PTPRT: variants seen among roughly 807,000 people sequenced by gnomAD.
PTPRT encodes the protein receptor-type tyrosine-protein phosphatase T.
PTPRT carries 56 observed loss-of-function variants against 176.8 expected under a neutral mutation model. The ratio of observed to expected loss-of-function variants is 0.32; its 90% confidence interval spans 0.26 to 0.40. The LOEUF (loss-of-function observed/expected upper bound fraction) is 0.40. Ranked by LOEUF, PTPRT falls within the 10% of genes least tolerant of loss-of-function variation. The probability of loss-of-function intolerance (pLI) is 1.00; values close to 1 mark genes in which losing one functional copy is unlikely to be tolerated. For synonymous variants in PTPRT, 783 were observed against 739.0 expected (o/e 1.06, Z -0.96); for missense variants, 1,540 against 1,908.2 (o/e 0.81, Z 3.60).
chr20:42,407,977 T>G (rs530434988), intron 9 of PTPRT, among the ~76,000 whole-genome samples: 1 of 152,278 alleles, frequency 6.6e-6, no homozygotes, highest in East Asian at 1.9e-4. Context: ...AAACAACTAA[T>G]AAATTTTATT....
intron 6 of PTPRT, among the ~76,000 whole-genome samples, chr20:42,691,620 C>G (rs2075795135): frequency 6.6e-6 from 1 of 152,196 alleles, no homozygotes; most frequent in Admixed American, 6.5e-5. Context: ...AAACGAGCTT[C>G]TTCCAAATCC....
At chr20:42,767,545 A>G (rs978957412) in intron 5 of PTPRT, among the ~76,000 whole-genome samples, 1 of 151,808 alleles carries the variant, frequency 6.6e-6, no homozygotes, top group Admixed American at 6.6e-5. Flanking sequence ...TTCCTTCCAT[A>G]TAGGAAGGAC....
chr20:42,169,615 T>A (rs1989986664), intron 16 of PTPRT, among the ~76,000 whole-genome samples: 3 of 152,110 alleles, frequency 2.0e-5, no homozygotes. Context: ...GCAACAGGTC[T>A]GGAGAGACTT....
chr20:42,912,280 A>C (rs915249327), intron 1 of PTPRT, among the ~76,000 whole-genome samples: 2 of 152,260 alleles, frequency 1.3e-5, no homozygotes, highest in Non-Finnish European at 1.5e-5. Flanking sequence ...GAGGCCCATT[A>C]GTTTAATTTT....
chr20:42,534,938 A>T (rs1001980055), intron 7 of PTPRT, among the ~76,000 whole-genome samples: 3 of 152,160 alleles, frequency 2.0e-5, no homozygotes, highest in African/African-American at 7.2e-5. Flanking sequence ...GTGCTGCGCT[A>T]AATGTTTAAT....
chr20:42,291,684 A>G (rs1450996739), intron 12 of PTPRT, among the ~76,000 whole-genome samples: 3 of 152,116 alleles, frequency 2.0e-5, no homozygotes, highest in African/African-American at 7.2e-5. Flanking sequence ...AGACACAGAC[A>G]TGCAAAGGCC....
At position 43,050,749 on chromosome 20, in the gene PTPRT, C is replaced by A. The variant is rs376909845; in HGVS notation, c.88+138897G>T. Among the ~76,000 whole-genome samples, 25 of 152,318 alleles carry A rather than the reference C, an allele frequency of 1.6e-4. No individual in the cohort carries two copies. In the East Asian group the frequency reaches 2.5e-3, roughly 15 times the overall value. ...TGCATAGCAAACTTTCCATTCACCC[C>A]TTTCCTGATAACAGAACCTCCCTCT... On this transcript the variant is annotated intron_variant, in intron 1 of 30. Coordinates refer to ENST00000373187, the MANE Select transcript of PTPRT (RefSeq NM_007050.6).
intron 1 of PTPRT, among the ~76,000 whole-genome samples, chr20:43,041,026 C>T (rs1272646313): frequency 6.6e-6 from 1 of 152,200 alleles, no homozygotes; most frequent in East Asian, 1.9e-4. Context: ...GGATCCACCC[C>T]AGACCTACTA....
In PTPRT at chr20:42,115,280, C is replaced by A. The variant is rs977570241; in HGVS notation, c.3018G>T (p.Glu1006Asp). ...KCVRYWPDDT[E>D]VYGDIKVTLI... is the part of the protein sequence containing the mutation. ...GGGTGACTTTAATGTCTCCGTAGAC[C>A]TCCGTGTCATCTGGCCAGTATCGCA... is the stretch of plus-strand genomic sequence containing the variant. The change falls in exon 22 of 31, where the codon GAG becomes GAT. Residue 1006 changes from glutamate to aspartate, a missense_variant. By Grantham distance (45) the Glu-to-Asp change is conservative. Transcript: ENST00000373187. 1.2e-6 allele frequency: 2 copies of A among 1,614,040 alleles called. No homozygotes were observed. Among genetic ancestry groups the A allele is most frequent in the African/African-American group, 2.7e-5 (2 of 74,942 alleles).
At chr20:42,703,880 C>T (rs918980813) in intron 6 of PTPRT, among the ~76,000 whole-genome samples, 1 of 152,166 alleles carries the variant, frequency 6.6e-6, no homozygotes, top group African/African-American at 2.4e-5. Flanking sequence ...GGGTTTGGTC[C>T]TATCAGCTAA....
chr20:42,191,214 G>A (rs1026563247), intron 16 of PTPRT, among the ~76,000 whole-genome samples: 2 of 151,974 alleles, frequency 1.3e-5, no homozygotes, highest in African/African-American at 4.8e-5. Context: ...TGGCAAGCAG[G>A]GTCAAACCTA....
At chr20:42,147,961 G>A (rs1167301930) in intron 17 of PTPRT, among the ~76,000 whole-genome samples, 1 of 152,126 alleles carries the variant, frequency 6.6e-6, no homozygotes, top group Non-Finnish European at 1.5e-5. Context: ...AAAAAAATAT[G>A]AGGGGGAAAA....
chr20:42,034,726 T>A, the PTPRT span, among the ~76,000 whole-genome samples: 670 of 152,278 alleles, frequency 4.4e-3, 5 homozygotes, highest in African/African-American at 0.015. Context: ...CTTAGGTAGT[T>A]TAAATGGTTT....
At chr20:42,805,416 C>T (rs1361226818) in intron 2 of PTPRT, among the ~76,000 whole-genome samples, 8 of 152,146 alleles carry the variant, frequency 5.3e-5, no homozygotes, top group Admixed American at 1.3e-4. Context: ...GAGCAAGCAC[C>T]CCTTCAACAG....
chr20:42,137,929 G>GA (rs774618514), intron 18 of PTPRT, among the ~76,000 whole-genome samples: 3 of 152,228 alleles, frequency 2.0e-5, no homozygotes, highest in Admixed American at 6.5e-5. Flanking sequence ...ATAAGTCTCA[G>GA]AAAATGTGCT....
chr20:42,653,563 T>C (rs886937383), intron 7 of PTPRT, among the ~76,000 whole-genome samples: 1 of 152,228 alleles, frequency 6.6e-6, no homozygotes, highest in Non-Finnish European at 1.5e-5. Flanking sequence ...AGCCCACAGA[T>C]GTGTCTGATC....
At chr20:42,347,222 C>T (rs145980355) in intron 11 of PTPRT, among the ~76,000 whole-genome samples, 25 of 152,334 alleles carry the variant, frequency 1.6e-4, no homozygotes, top group Non-Finnish European at 3.5e-4. Flanking sequence ...AGTAAAGGAA[C>T]AATTCAGAAA....
chr20:43,064,979 T>C (rs1437171657), intron 1 of PTPRT, among the ~76,000 whole-genome samples: 1 of 152,250 alleles, frequency 6.6e-6, no homozygotes, highest in African/African-American at 2.4e-5. Flanking sequence ...GTTGTGGACA[T>C]GGCTTGCCCT....
the PTPRT span, among the ~76,000 whole-genome samples, chr20:42,044,506 G>C: frequency 6.6e-6 from 1 of 152,224 alleles, no homozygotes; most frequent in Non-Finnish European, 1.5e-5. Context: ...CCAGTAAAGG[G>C]CAGTTCTTCT....
Sources: gnomAD v4.1 joint callset for allele counts (sites outside exome capture counted in the v4.1 genomes callset) on GRCh38, gnomAD v4.1.1 for gene constraint, MANE v1.5 for transcripts, NCBI Gene and HGNC (gene_info 2026-07-23, HGNC 2026-07-21) for gene names.